The following DOC2A variants were observed in gnomAD, a reference collection of about 807,000 sequenced individuals.
DOC2A encodes double C2-like domain-containing protein alpha.
DOC2A carries 28 observed loss-of-function variants against 40.6 expected under a neutral mutation model. The observed-to-expected ratio is 0.69, with a 90% CI of 0.51 to 0.95. The LOEUF is 0.95. DOC2A is among the 40% of genes least tolerant of loss of function. DOC2A has a pLI of 0.00. For synonymous variants in DOC2A, 241 were observed against 236.9 expected (o/e 1.02, Z -0.16); for missense variants, 474 against 552.5 (o/e 0.86, Z 1.42).
chr16:30,005,549 G>C lies in DOC2A; in HGVS notation c.*637C>G. On this transcript the variant is annotated 3_prime_UTR_variant, in exon 11 of 11. Transcript: ENST00000350119. Reference sequence around the variant, plus strand: ...GTGTTTATTGATGCCCAGCTGCCATGCTCCGGCCACTGACACAACCAGAAA... The same window carrying C: ...GTGTTTATTGATGCCCAGCTGCCATCCTCCGGCCACTGACACAACCAGAAA... 2.8e-6 allele frequency: 3 copies of C among 1,086,182 alleles called. No homozygotes were observed. The highest frequency in any genetic ancestry group is 4.0e-6 in the Non-Finnish European group (3 of 742,302). 67.3% of individuals were successfully genotyped at this position (1,086,182 alleles called of 1,614,324 possible).
intron 5 of DOC2A, 60 bp downstream of exon 5, chr16:30,008,936 G>T: frequency 8.7e-7 from 1 of 1,146,006 alleles, no homozygotes; most frequent in Non-Finnish European, 1.3e-6. Flanking sequence ...CAACCAACCA[G>T]CGGTTACAAT....
rs143152499 is a variant in DOC2A at position 30,009,995 on chromosome 16, A to G, written c.228T>C (p.Gly76=). 65 of 1,611,610 alleles carry G rather than the reference A, an allele frequency of 4.0e-5. No homozygotes were observed. The highest frequency in any genetic ancestry group is 5.1e-5 in the Non-Finnish European group (60 of 1,179,778). ...ALLGATTPED[G]AEVDSYDSDD... ...CCGAGTCATAGCTGTCCACCTCCGC[A>G]CCATCCTCAGGCGTGGTGGCCCCAA... is the stretch of plus-strand genomic sequence containing the variant. The change falls in exon 2 of 11, where the codon GGT becomes GGC. Residue 76 remains glycine (G), a synonymous_variant. Coordinates refer to ENST00000350119, the MANE Select transcript of DOC2A (RefSeq NM_003586.3). This position sits in a 1 kb window ranked among gnomAD's most constrained non-coding sequence, Gnocchi z 4.1.
rs1217366071 is a variant in DOC2A at position 30,009,574 on chromosome 16, G to A, written c.263-17C>T. ...CTAGGGCGGCTGGAGAGAGAGGAAA[G>A]GCAGCATGGGTCGGTATGGAGACAG... On this transcript the variant is annotated splice_polypyrimidine_tract_variant and intron_variant, in intron 2 of 10. Coordinates refer to ENST00000350119, the MANE Select transcript of DOC2A (RefSeq NM_003586.3). This position sits in a 1 kb window ranked among gnomAD's most constrained non-coding sequence, Gnocchi z 4.1. 3 of 1,549,428 alleles carry A rather than the reference G, an allele frequency of 1.9e-6. No individual in the cohort carries two copies. Among genetic ancestry groups the A allele is most frequent in the Non-Finnish European group, 2.6e-6 (3 of 1,145,994 alleles).
intron 5 of DOC2A, 181 bp from the exon 6 acceptor site, chr16:30,007,480 C>T (rs2070652227): frequency 1.4e-5 from 11 of 776,954 alleles, no homozygotes; most frequent in Middle Eastern, 3.6e-4. Flanking sequence ...TGCAGCCACC[C>T]GGCTGTCCCT....
At chr16:30,015,701 C>CTTTTTT (rs71276819), upstream of DOC2A, among the ~76,000 whole-genome samples, 2 of 122,990 alleles carry the variant, frequency 1.6e-5, no homozygotes, top group African/African-American at 3.0e-5. Context: ...CTTCCTTTTT[C>CTTTTTT]TTTTTTTTTT....
At chr16:30,014,287 G>A (rs998707123), upstream of DOC2A, among the ~76,000 whole-genome samples, 16 of 151,068 alleles carry the variant, frequency 1.1e-4, no homozygotes, top group African/African-American at 3.2e-4. Flanking sequence ...GATTACAGGC[G>A]TGCGCCACTG....
Position 30,009,162 on chromosome 16 carries a change from G to A in DOC2A, c.417+40C>T. 6.2e-7 allele frequency: 1 copy of A among 1,602,260 alleles called. No homozygotes were observed. The highest frequency in any genetic ancestry group is 8.5e-7 in the Non-Finnish European group (1 of 1,169,788). On this transcript the variant is annotated intron_variant, in intron 4 of 10. Coordinates refer to ENST00000350119, the MANE Select transcript of DOC2A (RefSeq NM_003586.3). The surrounding 1 kb of genome is among the most constrained non-coding windows in gnomAD (Gnocchi z 4.1). ...CTGTCCTCCAGCCCCACAGGCTGGA[G>A]TCATGGGCTGGGCCGGGCGGGGCGA...
Position 30,010,080 on chromosome 16 carries a change from C to CT in DOC2A, c.142_143insA (p.Gly48GlufsTer27). The stretch of plus-strand genomic sequence containing the variant: ...CAGATGGGCGGGGGCCTCCCCGCCG[C>CT]CCCCGCCGCCCCCTTCAGGTCCTGG... On this transcript the variant is annotated frameshift_variant, in exon 2 of 11. Transcript: ENST00000350119. LOFTEE classifies it high-confidence loss of function. This position sits in a 1 kb window ranked among gnomAD's most constrained non-coding sequence, Gnocchi z 4.2. 8 of 1,611,714 alleles carry CT rather than the reference C, an allele frequency of 5.0e-6. No individual in the cohort carries two copies. Among genetic ancestry groups the CT allele is most frequent in the Non-Finnish European group, 6.8e-6 (8 of 1,178,910 alleles).
intron 5 of DOC2A, chr16:30,008,721 G>T (rs1877565071): frequency 2.5e-6 from 1 of 406,420 alleles, no homozygotes; most frequent in African/African-American, 2.1e-5. Context: ...GGCCAGGCTG[G>T]TCTTGAACTC....
At position 30,010,230 on chromosome 16, in the gene DOC2A, C is replaced by T; in HGVS notation, c.-8G>A. ...GCCCCTGCGGCCCCTCATGCAGCAC[C>T]CCTGGCTAGGAGAGGGCGTGTGAGC... On this transcript the variant is annotated 5_prime_UTR_variant, in exon 2 of 11. Transcript: ENST00000350119. The surrounding 1 kb of genome is among the most constrained non-coding windows in gnomAD (Gnocchi z 4.2). 3 of 1,613,522 alleles carry T rather than the reference C, an allele frequency of 1.9e-6. No homozygotes were observed. Among genetic ancestry groups the T allele is most frequent in the Non-Finnish European group, 2.5e-6 (3 of 1,179,964 alleles).
At chr16:30,021,017 A>G (rs761512390) in intron 1 of DOC2A, among the ~76,000 whole-genome samples, 1 of 152,270 alleles carries the variant, frequency 6.6e-6, no homozygotes, top group East Asian at 1.9e-4. Context: ...AAGGGAAGCC[A>G]TCAGCGCAGC....
upstream of DOC2A, among the ~76,000 whole-genome samples, chr16:30,016,049 ATATATATTTTTT>A (rs1400906365): frequency 4.4e-5 from 1 of 22,528 alleles, no homozygotes; most frequent in African/African-American, 1.5e-4. Flanking sequence ...ATATATATAT[ATATATATTTTTT>A]TTTTTTTTTT....
chr16:30,005,664 G>A lies in DOC2A; in HGVS notation c.*522C>T, dbSNP rs2070554584. The stretch of plus-strand genomic sequence containing the variant: ...CCCTCCAGGGGACAGTTATTTAAAC[G>A]AGTGGCCGGGAGCATCTGCCACCTG... On this transcript the variant is annotated 3_prime_UTR_variant, in exon 11 of 11. Transcript: ENST00000350119. 3 of 564,208 alleles carry A rather than the reference G, an allele frequency of 5.3e-6. No individual in the cohort carries two copies. The highest frequency in any genetic ancestry group is 9.2e-6 in the Non-Finnish European group (3 of 324,468). The allele number at this position is 564,208 out of a possible 1,614,324, so 35.0% of individuals were successfully genotyped here. A position where few individuals can be genotyped will look rare whatever the true frequency, so the allele number is the denominator to read the frequency against.
In DOC2A at chr16:30,009,197, G is replaced by A; in HGVS notation, c.417+5C>T. On this transcript the variant is annotated splice_donor_5th_base_variant and intron_variant, in intron 4 of 10. Transcript: ENST00000350119. This position sits in a 1 kb window ranked among gnomAD's most constrained non-coding sequence, Gnocchi z 4.1. ...GGGCCGGGCGGGGCGAGAGGAGGCT[G>A]TTACCTTACAGGCTCCAGGCAGCAA... 1 of 1,600,810 alleles carries A rather than the reference G, an allele frequency of 6.2e-7. No individual in the cohort carries two copies. Among genetic ancestry groups the A allele is most frequent in the Non-Finnish European group, 8.5e-7 (1 of 1,172,932 alleles).
At chr16:30,020,310 C>G (rs1037996295) in intron 1 of DOC2A, among the ~76,000 whole-genome samples, 1 of 152,134 alleles carries the variant, frequency 6.6e-6, no homozygotes, top group Non-Finnish European at 1.5e-5. Flanking sequence ...TCCCAAAGTG[C>G]TGGGATCATA....
In DOC2A at chr16:30,006,472, G is replaced by A; in HGVS notation, c.998C>T (p.Thr333Ile). 3 of 1,613,674 alleles carry A rather than the reference G, an allele frequency of 1.9e-6. No homozygotes were observed. The highest frequency in any genetic ancestry group is 2.5e-6 in the Non-Finnish European group (3 of 1,179,916). The change falls in exon 10 of 11, where the codon ACC (threonine) becomes ATC (isoleucine). Residue 333 changes from threonine (T) to isoleucine (I), a missense_variant. Transcript: ENST00000350119. This position sits in a 1 kb window ranked among gnomAD's most constrained non-coding sequence, Gnocchi z 6.2. ...CCAGACGGTGACTTCCAGGGTCTTG[G>A]TGGCCAGAGTGGAGAGCTCTATCTC... ...FYEIELSTLA[T>I]KTLEVTVWDY...
chr16:30,008,908 G>C, intron 5 of DOC2A, 88 bp downstream of exon 5: 1 of 928,880 alleles, frequency 1.1e-6, no homozygotes, highest in Non-Finnish European at 1.8e-6. Context: ...AGAGGTACGG[G>C]CTTAATGGGA....
chr16:30,009,602 G>A lies in DOC2A; in HGVS notation c.263-45C>T. 1 of 1,504,356 alleles carries A rather than the reference G, an allele frequency of 6.6e-7. No homozygotes were observed. Among genetic ancestry groups the A allele is most frequent in the Non-Finnish European group, 9.0e-7 (1 of 1,108,032 alleles). The allele number at this position is 1,504,356 out of a possible 1,614,324, so 93.2% of individuals were successfully genotyped here. On this transcript the variant is annotated intron_variant, in intron 2 of 10. Transcript: ENST00000350119. The surrounding 1 kb of genome is among the most constrained non-coding windows in gnomAD (Gnocchi z 4.1). ...AGCATGGGTCGGTATGGAGACAGGT[G>A]TGTGCGAGAGGCCAGCAGGTGGGCA...
rs1450469258 is a variant in DOC2A at position 30,007,099 on chromosome 16, GC to G, written c.655-10del. 1.2e-6 allele frequency: 2 copies of G among 1,613,862 alleles called. No individual in the cohort carries two copies. The highest frequency in any genetic ancestry group is 3.3e-5 in the Admixed American group (2 of 60,024). On this transcript the variant is annotated splice_polypyrimidine_tract_variant and intron_variant, in intron 6 of 10. Coordinates refer to ENST00000350119, the MANE Select transcript of DOC2A (RefSeq NM_003586.3). The stretch of plus-strand genomic sequence containing the variant: ...GAAGAGGGGGACGCCAGCTGAGGGG[GC>G]AAAGAGAAGGTTCTGGAAGCCTGGC...
Sources: gnomAD v4.1 joint callset for allele counts (sites outside exome capture counted in the v4.1 genomes callset) on GRCh38, gnomAD v4.1.1 for gene constraint, Gnocchi (gnomAD v3.1) non-coding constraint, MANE v1.5 for transcripts, NCBI Gene and HGNC (gene_info 2026-07-23, HGNC 2026-07-21) for gene names.